LAMB1: variants seen among roughly 807,000 people sequenced by gnomAD.
LAMB1 encodes the protein laminin subunit beta-1.
A neutral mutation model predicts 222.3 loss-of-function variants in LAMB1; 121 were observed. That is an observed-to-expected ratio of 0.54 (90% confidence interval 0.47 to 0.63). The LOEUF is 0.63. Among genes scored for constraint, LAMB1 ranks in the 30% least tolerant of loss-of-function variants. The pLI is 0.00. For synonymous variants in LAMB1, 794 were observed against 807.2 expected (o/e 0.98, Z 0.28); for missense variants, 2,172 against 2,240.8 (o/e 0.97, Z 0.62).
chr7:107,929,584 C>T lies in LAMB1; in HGVS notation c.4573G>A (p.Ala1525Thr), dbSNP rs1219707731. The T allele has an allele frequency of 1.2e-6, 2 of 1,614,004 alleles. No homozygotes were observed. The highest frequency in any genetic ancestry group is 1.7e-6 in the Non-Finnish European group (2 of 1,179,994). ...ATCTCCATTTTCAATACTTCATTAG[C>T]AACTGCTTCAATGCTGTCCAAATCA... is the stretch of plus-strand genomic sequence containing the variant. ...SADLDSIEAV[A>T]NEVLKMEMPS... The change falls in exon 30 of 34, where the codon GCT becomes ACT. Residue 1525 changes from alanine (A) to threonine (T), a missense_variant. By Grantham distance (58) the Ala-to-Thr change is moderately conservative (BLOSUM62 0). Coordinates refer to ENST00000222399, the MANE Select transcript of LAMB1 (RefSeq NM_002291.3).
At chr7:107,944,801 A>G (rs760324727) in intron 24 of LAMB1, among the ~76,000 whole-genome samples, 22 of 152,350 alleles carry the variant, frequency 1.4e-4, no homozygotes, top group African/African-American at 5.1e-4. Flanking sequence ...GTAAAACTTC[A>G]TGGACACTAA....
Position 107,960,563 on chromosome 7 carries a change from T to G in LAMB1, c.2196A>C (p.Glu732Asp). ...CTAGACATCGGTATCTCTGAAAGGT[T>G]TCCCAGGCACTGTTGGTGACCACCC... Reference protein sequence around the residue: ...GDGVVTNSAWETFQRYRCLEN... With the variant: ...GDGVVTNSAWDTFQRYRCLEN... The change falls in exon 18 of 34, where the codon GAA (glutamate) becomes GAC (aspartate). Residue 732 changes from glutamate to aspartate, a missense_variant. Glu to Asp is a conservative substitution (Grantham distance 45). Coordinates refer to ENST00000222399, the MANE Select transcript of LAMB1 (RefSeq NM_002291.3). The G allele has an allele frequency of 6.2e-7, 1 of 1,614,162 alleles. No homozygotes were observed. Among genetic ancestry groups the G allele is most frequent in the Middle Eastern group, 1.6e-4 (1 of 6,062 alleles).
intron 4 of LAMB1, among the ~76,000 whole-genome samples, chr7:107,996,819 C>T (rs1214904045): frequency 6.6e-6 from 1 of 152,182 alleles, no homozygotes; most frequent in Non-Finnish European, 1.5e-5. Context: ...AGTCTCCATC[C>T]TAATGTTGAG....
rs752713744 is a variant in LAMB1, at chr7:107,932,292, C to T, written c.4274G>A (p.Cys1425Tyr). 6.2e-7 allele frequency: 1 copy of T among 1,614,230 alleles called. No individual in the cohort carries two copies. The highest frequency in any genetic ancestry group is 8.5e-7 in the Non-Finnish European group (1 of 1,180,034). The change falls in exon 28 of 34, where the codon TGT becomes TAT. Residue 1425 changes from cysteine (C) to tyrosine (Y), a missense_variant. By Grantham distance (194) the Cys-to-Tyr change is radical (BLOSUM62 -2). Transcript: ENST00000222399. ...NCRTDEGERK[C>Y]GGPGCGGLVT... ...CAGACCACCACAGCCAGGCCCCCCA[C>T]ACTTCCTCTCTCCTTCGTCAGTTCT...
intron 13 of LAMB1, among the ~76,000 whole-genome samples, chr7:107,966,672 C>T (rs2033643524): frequency 6.6e-6 from 1 of 152,152 alleles, no homozygotes; most frequent in Non-Finnish European, 1.5e-5. Flanking sequence ...TCTTTCCTCC[C>T]CAGATGTTTA....
At chr7:107,925,206 T>G (rs1016797914) in intron 32 of LAMB1, among the ~76,000 whole-genome samples, 8 of 152,028 alleles carry the variant, frequency 5.3e-5, no homozygotes, top group Non-Finnish European at 1.0e-4. Context: ...TCCAGAAAAT[T>G]TTTGAATAGT....
intron 10 of LAMB1, 60 bp downstream of exon 10, chr7:107,975,629 T>G (rs2033838060): frequency 6.7e-7 from 1 of 1,491,168 alleles, no homozygotes; most frequent in Non-Finnish European, 9.2e-7. Context: ...CTACTGACTA[T>G]TCAGTTTGGA....
intron 24 of LAMB1, among the ~76,000 whole-genome samples, chr7:107,944,838 T>C (rs1360649749): frequency 6.6e-6 from 1 of 152,220 alleles, no homozygotes; most frequent in South Asian, 2.1e-4. Context: ...TCCCATCATC[T>C]CACACACCCA....
intron 9 of LAMB1, among the ~76,000 whole-genome samples, chr7:107,976,458 C>T (rs1447906897): frequency 6.6e-6 from 1 of 152,318 alleles, no homozygotes; most frequent in East Asian, 1.9e-4. Context: ...TCTGCGAGCC[C>T]ATTCGGCGGT....
intron 14 of LAMB1, among the ~76,000 whole-genome samples, chr7:107,963,616 C>T (rs2033560039): frequency 6.6e-6 from 1 of 152,188 alleles, no homozygotes. Context: ...CTCTTTCATT[C>T]CCTGTATGTA....
chr7:108,002,398 G>A (rs2034408442), intron 2 of LAMB1: 1 of 1,312,014 alleles, frequency 7.6e-7, no homozygotes, highest in South Asian at 1.2e-5. Context: ...GTGCCATCCG[G>A]AGACAAACAG....
chr7:107,965,026 C>T (rs2033601915), intron 13 of LAMB1, among the ~76,000 whole-genome samples: 1 of 152,136 alleles, frequency 6.6e-6, no homozygotes, highest in Admixed American at 6.5e-5. Context: ...CTCAAATATC[C>T]AGCTCCCTGA....
At position 107,960,552 on chromosome 7, in the gene LAMB1, C is replaced by T; in HGVS notation, c.2207G>A (p.Arg736Lys). Residue 736 changes from arginine (R) to lysine (K), a missense_variant, in exon 18 of 34, where the codon AGA (arginine) becomes AAA (lysine). Transcript: ENST00000222399. Reference protein sequence around the residue: ...VTNSAWETFQRYRCLENSRSV... With the variant: ...VTNSAWETFQKYRCLENSRSV... ...TCTGCTGTTCTCTAGACATCGGTAT[C>T]TCTGAAAGGTTTCCCAGGCACTGTT... 6.2e-7 allele frequency: 1 copy of T among 1,614,176 alleles called. No homozygotes were observed. Among genetic ancestry groups the T allele is most frequent in the Non-Finnish European group, 8.5e-7 (1 of 1,179,974 alleles).
Position 107,951,217 on chromosome 7 carries a change from A to G in LAMB1, c.3391+9T>C. 6.2e-7 allele frequency: 1 copy of G among 1,611,548 alleles called. No homozygotes were observed. Among genetic ancestry groups the G allele is most frequent in the South Asian group, 1.1e-5 (1 of 91,016 alleles). On this transcript the variant is annotated intron_variant, in intron 24 of 33. Transcript: ENST00000222399. Reference sequence around the variant, plus strand: ...TGATCAAGTCAATGCGAGAACGCCCACAACTCACCTCGGCACTCCACGTCG... The same window carrying G: ...TGATCAAGTCAATGCGAGAACGCCCGCAACTCACCTCGGCACTCCACGTCG...
chr7:107,965,391 C>G (rs185534753), intron 13 of LAMB1, among the ~76,000 whole-genome samples: 2 of 152,138 alleles, frequency 1.3e-5, no homozygotes, highest in Admixed American at 6.5e-5. Flanking sequence ...ACCAGCCTCA[C>G]CAACATGGAG....
chr7:107,930,853 A>T (rs1434640672), intron 29 of LAMB1, among the ~76,000 whole-genome samples: 14 of 152,196 alleles, frequency 9.2e-5, no homozygotes. Flanking sequence ...ATATCTTATT[A>T]AGATGTGAGA....
At chr7:107,989,701 GTGA>G (rs1235280499) in intron 5 of LAMB1, among the ~76,000 whole-genome samples, 6 of 152,178 alleles carry the variant, frequency 3.9e-5, no homozygotes, top group Non-Finnish European at 8.8e-5. Flanking sequence ...CAAACTCCCC[GTGA>G]GAGCCTGGCT....
chr7:107,942,059 A>C, intron 24 of LAMB1: 1 of 149,102 alleles, frequency 6.7e-6, no homozygotes, highest in South Asian at 2.1e-4. Flanking sequence ...CAGTGGCATG[A>C]TCTCGGCTCA....
chr7:108,002,125 A>G (rs1184688219), intron 2 of LAMB1: 4 of 1,468,476 alleles, frequency 2.7e-6, no homozygotes, highest in African/African-American at 1.6e-5. Context: ...AGGGCCACAC[A>G]CCCACGCACG....
Sources: allele counts gnomAD v4.1 joint callset (sites outside exome capture counted in the v4.1 genomes callset), GRCh38; gene constraint gnomAD v4.1.1; transcripts MANE v1.5; gene names NCBI Gene and HGNC (gene_info 2026-07-23, HGNC 2026-07-21).